PRKDC: variants seen among roughly 807,000 people sequenced by gnomAD.
PRKDC encodes the protein protein kinase, DNA-activated, catalytic subunit.
A neutral mutation model predicts 486.9 loss-of-function variants in PRKDC; 82 were observed. That is an observed-to-expected ratio of 0.17 (90% CI 0.14 to 0.20). The LOEUF is 0.20. Among genes scored for constraint, PRKDC ranks in the 10% least tolerant of loss-of-function variants. The pLI is 1.00. For missense variants in PRKDC, 4,504 were observed against 5,038.2 expected (o/e 0.89, Z 3.21); for synonymous variants, 1,895 against 1,837.0 (o/e 1.03, Z -0.81).
At position 47,918,371 on chromosome 8, in the gene PRKDC, T is replaced by C. The variant is rs202216147; in HGVS notation, c.2432A>G (p.Asn811Ser). The C allele has an allele frequency of 3.3e-5, 52 of 1,579,510 alleles. No homozygotes were observed. Among genetic ancestry groups the C allele is most frequent in the Non-Finnish European group, 4.2e-5 (49 of 1,161,402 alleles). ...AGAAAGAGCTGACACTTCCCAGTTA[T>C]TCTTGGTCTCATCTATCAATAGTAA... is the stretch of plus-strand genomic sequence containing the variant. Reference protein sequence around the residue: ...KTSALSDETKNNWEVSALSRA... With the variant: ...KTSALSDETKSNWEVSALSRA... Residue 811 changes from asparagine (N) to serine (S), a missense_variant, in exon 22 of 86, where the codon AAT (asparagine) becomes AGT (serine). Around this residue, in one of 6 missense-constraint regions of PRKDC, gnomAD observed 1,969 missense variants for 2,068.9 expected, o/e 0.95. Transcript: ENST00000314191.
chr8:47,829,462 A>G (rs1201403396), intron 61 of PRKDC, among the ~76,000 whole-genome samples: 1 of 151,832 alleles, frequency 6.6e-6, no homozygotes, highest in Non-Finnish European at 1.5e-5. Flanking sequence ...CTACTGATTT[A>G]AGATTATACT....
Position 47,857,375 on chromosome 8 carries a change from C to T in PRKDC, c.6466-76G>A. On this transcript the variant is annotated intron_variant, in intron 48 of 85. Coordinates refer to ENST00000314191, the MANE Select transcript of PRKDC (RefSeq NM_006904.7). ...AAATATTAATACAAGACTGTATCTT[C>T]CATCAGCTAAAATTTTATACTATGA... 6 of 1,445,534 alleles carry T rather than the reference C, an allele frequency of 4.2e-6. No individual in the cohort carries two copies. The South Asian group carries it at 7.3e-5, about 18-fold the overall frequency. The allele number at this position is 1,445,534 out of a possible 1,614,324, so 89.5% of individuals were successfully genotyped here. A position where few individuals can be genotyped will look rare whatever the true frequency, so the allele number is the denominator to read the frequency against.
At chr8:47,957,136 A>T in intron 3 of PRKDC, 35 bp downstream of exon 3, 1 of 1,338,792 alleles carries the variant, frequency 7.5e-7, no homozygotes, top group Non-Finnish European at 1.0e-6. Context: ...AGATGTTGAT[A>T]TATAATGTAA....
At chr8:47,888,774 G>A (rs1391766622) in intron 33 of PRKDC, 124 bp from the exon 34 acceptor site, 18 of 1,333,230 alleles carry the variant, frequency 1.4e-5, no homozygotes, top group South Asian at 1.6e-5. Flanking sequence ...GGATCCACAC[G>A]CACTAAGCTA....
intron 71 of PRKDC, 33 bp from the exon 72 acceptor site, chr8:47,799,423 T>C (rs1434251690): frequency 1.4e-6 from 2 of 1,443,670 alleles, no homozygotes; most frequent in Admixed American, 2.4e-5. Flanking sequence ...CCCATGAGCA[T>C]GACTGAAGCT....
Position 47,807,198 on chromosome 8 carries a change from G to A in PRKDC, c.9686C>T (p.Ser3229Phe). ...EVQEQEEDIS[S>F]LIRSCKFSMK... ...GGAAAACTTGCAACTCCTGATCAGG[G>A]AGCTGATATCTTCTTCCTGCTCTTG... The change falls in exon 69 of 86, where the codon TCC becomes TTC. Residue 3229 changes from serine (S) to phenylalanine (F), a missense_variant. By Grantham distance (155) the Ser-to-Phe change is radical. Around this residue, in one of 6 missense-constraint regions of PRKDC, gnomAD observed 1,592 missense variants for 1,724.6 expected, o/e 0.92. Coordinates refer to ENST00000314191, the MANE Select transcript of PRKDC (RefSeq NM_006904.7). 6.2e-7 allele frequency: 1 copy of A among 1,613,806 alleles called. No individual in the cohort carries two copies. Among genetic ancestry groups the A allele is most frequent in the Non-Finnish European group, 8.5e-7 (1 of 1,179,830 alleles).
intron 38 of PRKDC, 76 bp downstream of exon 38, chr8:47,881,340 A>AC: frequency 1.1e-6 from 1 of 933,750 alleles, no homozygotes; most frequent in Non-Finnish European, 1.6e-6. Context: ...ATAATAAAAA[A>AC]TAAAAAACAT....
At chr8:47,917,491 T>C (rs1008973327) in intron 22 of PRKDC, among the ~76,000 whole-genome samples, 9 of 152,178 alleles carry the variant, frequency 5.9e-5, no homozygotes, top group South Asian at 2.1e-4. Flanking sequence ...CTTACTTCAT[T>C]CCAAAAATAG....
chr8:47,848,927 C>G (rs1001262415), intron 54 of PRKDC, among the ~76,000 whole-genome samples: 1 of 152,190 alleles, frequency 6.6e-6, no homozygotes, highest in Non-Finnish European at 1.5e-5. Context: ...ATGAAAAACA[C>G]GCCCTGGGAT....
chr8:47,956,000 A>G (rs2090694241), intron 3 of PRKDC, 52 bp from the exon 4 acceptor site: 15 of 1,308,246 alleles, frequency 1.1e-5, no homozygotes, highest in Non-Finnish European at 1.5e-5. Context: ...ATAAAAACTA[A>G]GACTCAGCAA....
At chr8:47,935,937 G>A in intron 12 of PRKDC, 37 bp from the exon 13 acceptor site, 9 of 1,555,372 alleles carry the variant, frequency 5.8e-6, no homozygotes, top group Non-Finnish European at 7.1e-6. Context: ...AGTTAGAGGA[G>A]GTAATCAATG....
At chr8:47,806,763 T>C (rs1415166247) in intron 69 of PRKDC, among the ~76,000 whole-genome samples, 1 of 152,250 alleles carries the variant, frequency 6.6e-6, no homozygotes, top group African/African-American at 2.4e-5. Context: ...ATTAGGTTTA[T>C]CTGCTTTTCA....
chr8:47,876,565 G>A lies in PRKDC; in HGVS notation c.5363+1159C>T, dbSNP rs367731273. Among the ~76,000 whole-genome samples the A allele has an allele frequency of 2.0e-4, 30 of 151,848 alleles. 1 individual carries two copies. The highest frequency in any genetic ancestry group is 6.8e-4 in the African/African-American group (28 of 41,398). On this transcript the variant is annotated intron_variant, in intron 40 of 85. Transcript: ENST00000314191. ...AATCCCAGCTACTCGGGAGGCTGAC[G>A]CAGGAGAATCATTTGAACCCAGAAG...
At chr8:47,864,794 T>C in intron 40 of PRKDC, 31 bp from the exon 41 acceptor site, 3 of 1,498,472 alleles carry the variant, frequency 2.0e-6, no homozygotes, top group Non-Finnish European at 2.7e-6. Flanking sequence ...TATATGAACA[T>C]CCCTGCTTTG....
chr8:47,956,028 C>A, intron 3 of PRKDC, 80 bp from the exon 4 acceptor site: 1 of 1,038,382 alleles, frequency 9.6e-7, no homozygotes, highest in Non-Finnish European at 1.4e-6. Context: ...AACTACTTCT[C>A]CAAGAGGAGC....
intron 7 of PRKDC, among the ~76,000 whole-genome samples, chr8:47,953,172 G>A (rs1192491830): frequency 6.6e-6 from 1 of 152,000 alleles, no homozygotes; most frequent in Admixed American, 6.6e-5. Context: ...GCCAGGTGTG[G>A]TGGTGCGTGC....
At position 47,857,270 on chromosome 8, in the gene PRKDC, A is replaced by T; in HGVS notation, c.6495T>A (p.Leu2165=). The part of the protein sequence containing the change: ...EVFRPYAKHW[L]SPLLQLAASE... ...AAGCAGCCAGCTGCAGCAAGGGGCT[A>T]AGCCAGTGCTTCGCGTAAGGGCGAA... Residue 2165 remains leucine, a synonymous_variant, in exon 49 of 86, where the codon CTT becomes CTA. Coordinates refer to ENST00000314191, the MANE Select transcript of PRKDC (RefSeq NM_006904.7). 3 of 1,613,444 alleles carry T rather than the reference A, an allele frequency of 1.9e-6. 1 individual carries two copies. The highest frequency in any genetic ancestry group is 3.3e-4 in the Middle Eastern group (2 of 6,060).
chr8:47,834,912 G>A (rs1019563273), intron 58 of PRKDC, among the ~76,000 whole-genome samples: 2 of 151,916 alleles, frequency 1.3e-5, no homozygotes, highest in East Asian at 3.9e-4. Context: ...GGATGGTCTC[G>A]ATCTCCTGAC....
At chr8:47,873,864 A>C (rs545352184) in intron 40 of PRKDC, among the ~76,000 whole-genome samples, 1 of 152,156 alleles carries the variant, frequency 6.6e-6, no homozygotes, top group Non-Finnish European at 1.5e-5. Flanking sequence ...GAGGCTGGAA[A>C]GGGTAAGAGG....
Sources: gnomAD v4.1 joint callset for allele counts (sites outside exome capture counted in the v4.1 genomes callset) on GRCh38, gnomAD v4.1.1 for gene constraint, gnomAD v4.1.1 regional missense constraint, MANE v1.5 for transcripts, NCBI Gene and HGNC (gene_info 2026-07-23, HGNC 2026-07-21) for gene names.